The following RBFOX2 variants were observed in gnomAD, a reference collection of about 807,000 sequenced individuals.
RBFOX2 encodes the protein RNA binding protein fox-1 homolog 2.
In RBFOX2, 10 loss-of-function variants were observed where a neutral mutation model predicts 49.1. That is an observed-to-expected ratio of 0.20 (90% CI 0.13 to 0.35). The LOEUF (loss-of-function observed/expected upper bound fraction) is 0.35, where lower values mean the gene tolerates loss of function less well. Ranked by LOEUF, RBFOX2 falls within the 10% of genes least tolerant of loss-of-function variation. The probability of loss-of-function intolerance (pLI) is 1.00; values close to 1 mark genes in which losing one functional copy is unlikely to be tolerated. For synonymous variants in RBFOX2, 183 were observed against 187.4 expected (o/e 0.98, Z 0.19); for missense variants, 323 against 486.9 (o/e 0.66, Z 3.17).
chr22:35,747,779 CA>C (rs1933324041), intron 9 of RBFOX2: 2 of 152,176 alleles, frequency 1.3e-5, no homozygotes, highest in Non-Finnish European at 2.9e-5. Flanking sequence ...ATAGCATAAA[CA>C]TTTTATTTCT....
Position 36,000,746 on chromosome 22 carries a change from G to A in RBFOX2, c.186+27494C>T, listed in dbSNP as rs143569900. 1.8e-4 allele frequency among the ~76,000 whole-genome samples: 27 copies of A among 151,942 alleles called. No homozygotes were observed. The East Asian group carries it at 4.8e-3, about 27-fold the overall frequency. On this transcript the variant is annotated intron_variant, in intron 1 of 13. Coordinates refer to the RBFOX2 transcript ENST00000438146. ...TCCTTCGTTTTTCCTCTATCCTCTCGGGGCTCTTTTTTGTTTGTTCATTTG... is the reference window on the plus strand; with the variant it reads ...TCCTTCGTTTTTCCTCTATCCTCTCAGGGCTCTTTTTTGTTTGTTCATTTG...
upstream of RBFOX2, among the ~76,000 whole-genome samples, chr22:35,966,213 T>C (rs1315144118): frequency 6.6e-6 from 1 of 152,218 alleles, no homozygotes; most frequent in East Asian, 1.9e-4. Flanking sequence ...TTCCATCTTA[T>C]AAATATATCA....
intron 1 of RBFOX2, among the ~76,000 whole-genome samples, chr22:35,972,068 A>G (rs1289556365): frequency 6.6e-6 from 1 of 152,042 alleles, no homozygotes; most frequent in Non-Finnish European, 1.5e-5. Context: ...GGTCACCACT[A>G]ACAAGATGAG....
chr22:35,777,496 A>C (rs1944225940), intron 4 of RBFOX2, among the ~76,000 whole-genome samples: 1 of 152,236 alleles, frequency 6.6e-6, no homozygotes, highest in African/African-American at 2.4e-5. Flanking sequence ...GAACTTAAGG[A>C]AATCAGTTCA....
At chr22:35,916,693 C>T (rs1055463185) in intron 1 of RBFOX2, among the ~76,000 whole-genome samples, 4 of 151,808 alleles carry the variant, frequency 2.6e-5, no homozygotes, top group African/African-American at 7.3e-5. Context: ...ATCAGAAGCT[C>T]GAGACCAGCC....
intron 9 of RBFOX2, among the ~76,000 whole-genome samples, chr22:35,755,009 C>T (rs1046858379): frequency 2.6e-5 from 4 of 152,180 alleles, no homozygotes; most frequent in African/African-American, 9.7e-5. Flanking sequence ...CTGCAAAACG[C>T]AAAACCTCTG....
intron 1 of RBFOX2, among the ~76,000 whole-genome samples, chr22:35,817,468 CTT>C (rs1953364678): frequency 7.0e-6 from 1 of 143,488 alleles, no homozygotes; most frequent in African/African-American, 2.7e-5. Flanking sequence ...CAGAGTAAGA[CTT>C]TGTCTCAAAA....
chr22:35,819,185 A>T (rs187166200), intron 1 of RBFOX2, among the ~76,000 whole-genome samples: 22 of 152,254 alleles, frequency 1.4e-4, no homozygotes, highest in Middle Eastern at 3.4e-3. Flanking sequence ...AATTGAATTA[A>T]CCAGGTAATT....
chr22:35,894,366 A>G (rs1233384250), intron 1 of RBFOX2, among the ~76,000 whole-genome samples: 1 of 152,224 alleles, frequency 6.6e-6, no homozygotes, highest in African/African-American at 2.4e-5. Context: ...ATTATTAGAT[A>G]AAAGCTTATG....
intron 2 of RBFOX2, among the ~76,000 whole-genome samples, chr22:35,783,812 TA>T (rs529690525): frequency 1.1e-4 from 17 of 152,242 alleles, no homozygotes; most frequent in Non-Finnish European, 2.4e-4. Context: ...CACACTACTC[TA>T]AAAATGTTTC....
intron 1 of RBFOX2, among the ~76,000 whole-genome samples, chr22:35,948,397 T>A (rs2054551822): frequency 6.6e-6 from 1 of 152,108 alleles, no homozygotes; most frequent in Non-Finnish European, 1.5e-5. Flanking sequence ...TTGAAGTACA[T>A]AAATAATAAA....
intron 1 of RBFOX2, among the ~76,000 whole-genome samples, chr22:35,912,732 C>T (rs769338265): frequency 9.2e-5 from 14 of 152,044 alleles, no homozygotes; most frequent in Non-Finnish European, 1.8e-4. Flanking sequence ...ATGGGTTTTC[C>T]GGGGTGATCT....
upstream of RBFOX2, among the ~76,000 whole-genome samples, chr22:35,962,710 T>C (rs1352424202): frequency 6.6e-6 from 1 of 152,142 alleles, no homozygotes; most frequent in Non-Finnish European, 1.5e-5. Flanking sequence ...TTTCTTTGCT[T>C]AATCCAAACT....
intron 1 of RBFOX2, among the ~76,000 whole-genome samples, chr22:35,902,811 A>AT (rs200993062): frequency 0.08 from 11,263 of 140,730 alleles, 454 homozygotes; most frequent in African/African-American, 0.1. Context: ...CGCCCAGCTA[A>AT]TTAAAAAAAA....
intron 2 of RBFOX2, among the ~76,000 whole-genome samples, chr22:35,783,123 A>G (rs962347663): frequency 1.3e-5 from 2 of 152,316 alleles, no homozygotes; most frequent in African/African-American, 4.8e-5. Context: ...AACCTCTTTG[A>G]GCACTCTGGT....
intron 1 of RBFOX2, chr22:35,999,960 A>G (rs890768375): frequency 1.3e-5 from 2 of 149,928 alleles, no homozygotes; most frequent in Admixed American, 1.3e-4. Flanking sequence ...CATATTTAAC[A>G]TCCAAATCAA....
intron 1 of RBFOX2, among the ~76,000 whole-genome samples, chr22:35,978,007 G>T (rs918442667): frequency 6.6e-6 from 1 of 151,890 alleles, no homozygotes; most frequent in African/African-American, 2.4e-5. Flanking sequence ...AGATTAGGAA[G>T]CCACAAGGAA....
intron 1 of RBFOX2, among the ~76,000 whole-genome samples, chr22:35,880,358 G>A (rs2045726578): frequency 6.6e-6 from 1 of 152,148 alleles, no homozygotes; most frequent in Non-Finnish European, 1.5e-5. Flanking sequence ...TGAGGGCAGA[G>A]GAAGGCAAGT....
intron 1 of RBFOX2, among the ~76,000 whole-genome samples, chr22:35,834,921 C>A (rs1010831073): frequency 6.6e-6 from 1 of 152,100 alleles, no homozygotes; most frequent in Non-Finnish European, 1.5e-5. Context: ...CTGGCAATGA[C>A]CTCTAATGAA....
Sources: allele counts gnomAD v4.1 joint callset (sites outside exome capture counted in the v4.1 genomes callset), GRCh38; gene constraint gnomAD v4.1.1; transcripts MANE v1.5; gene names NCBI Gene and HGNC (gene_info 2026-07-23, HGNC 2026-07-21).